The following DENND5B variants were observed in gnomAD, a reference collection of about 807,000 sequenced individuals.
DENND5B encodes DENN domain containing 5B.
In DENND5B, 34 loss-of-function variants were observed where a neutral mutation model predicts 140.6. The observed-to-expected ratio is 0.24, with a 90% CI of 0.18 to 0.32. The LOEUF (loss-of-function observed/expected upper bound fraction) is 0.32, where lower values mean the gene tolerates loss of function less well. Ranked by LOEUF, DENND5B falls within the 10% of genes least tolerant of loss-of-function variation. DENND5B has a pLI of 1.00. For synonymous variants in DENND5B, 551 were observed against 562.1 expected, an observed-to-expected ratio of 0.98 and a Z score of 0.28; for missense variants, 1,142 against 1,560.2, an observed-to-expected ratio of 0.73 and a Z score of 4.52.
chr12:31,589,354 T>C (rs1276107500), intron 1 of DENND5B, among the ~76,000 whole-genome samples: 1 of 152,226 alleles, frequency 6.6e-6, no homozygotes, highest in Non-Finnish European at 1.5e-5. Context: ...TAATTACACA[T>C]ACGGAAAAAC....
At chr12:31,405,239 A>G (rs1388053658) in intron 14 of DENND5B, among the ~76,000 whole-genome samples, 1 of 149,898 alleles carries the variant, frequency 6.7e-6, no homozygotes, top group East Asian at 2.0e-4. Context: ...TTTTTGAGAC[A>G]CGGTCTCGCT....
chr12:31,521,411 A>G (rs750289322), intron 1 of DENND5B, among the ~76,000 whole-genome samples: 21 of 151,898 alleles, frequency 1.4e-4, no homozygotes, highest in Non-Finnish European at 2.8e-4. Flanking sequence ...CTCAGCCTCC[A>G]GAGCAGCTTG....
At chr12:31,430,080 C>T (rs914362452) in intron 8 of DENND5B, among the ~76,000 whole-genome samples, 6 of 151,566 alleles carry the variant, frequency 4.0e-5, no homozygotes, top group South Asian at 2.1e-4. Flanking sequence ...TGGAGTGCAG[C>T]GGCATGATCT....
At chr12:31,418,666 G>A (rs1942882613) in intron 11 of DENND5B, among the ~76,000 whole-genome samples, 1 of 152,092 alleles carries the variant, frequency 6.6e-6, no homozygotes, top group South Asian at 2.1e-4. Flanking sequence ...TAGACAGAAT[G>A]AAAGATGGCC....
intron 1 of DENND5B, among the ~76,000 whole-genome samples, chr12:31,585,666 T>TAA (rs1317835530): frequency 5.3e-5 from 8 of 152,214 alleles, no homozygotes; most frequent in African/African-American, 1.9e-4. Context: ...CATAAATATG[T>TAA]CTAAGGTCCC....
At chr12:31,535,019 A>G (rs1948431880) in intron 1 of DENND5B, 1 of 216,560 alleles carries the variant, frequency 4.6e-6, no homozygotes, top group Non-Finnish European at 8.3e-6. Flanking sequence ...GGTTGCAGTG[A>G]GCGCAGATTG....
intron 11 of DENND5B, among the ~76,000 whole-genome samples, chr12:31,421,666 C>T (rs1048192917): frequency 2.0e-5 from 3 of 152,154 alleles, no homozygotes; most frequent in African/African-American, 7.2e-5. Context: ...TCTCCTGACT[C>T]AGTCTCCTGA....
intron 7 of DENND5B, 99 bp from the exon 8 acceptor site, chr12:31,433,347 A>G (rs755131465): frequency 2.9e-6 from 3 of 1,031,664 alleles, no homozygotes; most frequent in Non-Finnish European, 4.1e-6. Context: ...TTTAAAATCA[A>G]TTATTTAAAA....
chr12:31,470,516 C>T (rs1945508978), intron 3 of DENND5B, among the ~76,000 whole-genome samples: 1 of 152,132 alleles, frequency 6.6e-6, no homozygotes, highest in African/African-American at 2.4e-5. Flanking sequence ...TCCCAGAGTG[C>T]TGGGATTACA....
At chr12:31,387,829 C>T (rs777254473) in intron 20 of DENND5B, 43 bp from the exon 21 acceptor site, 17 of 1,580,380 alleles carry the variant, frequency 1.1e-5, no homozygotes, top group Middle Eastern at 2.2e-4. Context: ...TTGCTGGCCT[C>T]GCTGCAGAAC....
chr12:31,587,346 C>A (rs1169308867), intron 1 of DENND5B, among the ~76,000 whole-genome samples: 1 of 152,030 alleles, frequency 6.6e-6, no homozygotes, highest in African/African-American at 2.4e-5. Context: ...AATTGTTCAG[C>A]CCCAAAATCT....
intron 4 of DENND5B, among the ~76,000 whole-genome samples, chr12:31,459,345 A>G (rs1944916238): frequency 6.6e-6 from 1 of 152,186 alleles, no homozygotes; most frequent in African/African-American, 2.4e-5. Flanking sequence ...CCTGGAGTGC[A>G]GTGGCACGAT....
intron 1 of DENND5B, among the ~76,000 whole-genome samples, chr12:31,538,680 A>G (rs780935586): frequency 6.6e-6 from 1 of 152,156 alleles, no homozygotes; most frequent in African/African-American, 2.4e-5. Context: ...AAGCCTGGAC[A>G]ACTTGGTGAA....
At chr12:31,556,274 G>A (rs574350689) in intron 1 of DENND5B, among the ~76,000 whole-genome samples, 4 of 152,108 alleles carry the variant, frequency 2.6e-5, no homozygotes, top group Admixed American at 1.3e-4. Context: ...GCATGACCTC[G>A]GCTCACTGCA....
At chr12:31,579,056 C>G (rs1300608031) in intron 1 of DENND5B, among the ~76,000 whole-genome samples, 1 of 152,170 alleles carries the variant, frequency 6.6e-6, no homozygotes, top group African/African-American at 2.4e-5. Flanking sequence ...CTTTGAAAGT[C>G]ATTTAAATAA....
At chr12:31,558,882 AT>A (rs1949384054) in intron 1 of DENND5B, among the ~76,000 whole-genome samples, 1 of 152,128 alleles carries the variant, frequency 6.6e-6, no homozygotes, top group Non-Finnish European at 1.5e-5. Context: ...AACTAACACC[AT>A]TTCATCTCCT....
intron 1 of DENND5B, among the ~76,000 whole-genome samples, chr12:31,554,029 T>G (rs1310880760): frequency 6.6e-6 from 1 of 152,216 alleles, no homozygotes; most frequent in Non-Finnish European, 1.5e-5. Flanking sequence ...TTTGCCAGTC[T>G]GTGTCTTTTA....
At position 31,443,045 on chromosome 12, in the gene DENND5B, TG is replaced by T. The variant is rs2137989668; in HGVS notation, c.1862-121del. On this transcript the variant is annotated intron_variant, in intron 6 of 20. Transcript: ENST00000389082. ...CACTCTGACACTCTGAAACAGATAT[TG>T]TGTGTGTGTGTGTGTGTGCACGCAC... 7.4e-6 allele frequency: 4 copies of T among 538,724 alleles called. No homozygotes were observed. In the African/African-American group the frequency reaches 2.3e-4, roughly 31 times the overall value. The allele number at this position is 538,724 out of a possible 1,614,324, so 33.4% of individuals were successfully genotyped here.
intron 1 of DENND5B, among the ~76,000 whole-genome samples, chr12:31,521,756 C>T (rs963363509): frequency 3.3e-5 from 5 of 152,134 alleles, no homozygotes; most frequent in Non-Finnish European, 5.9e-5. Flanking sequence ...TGCTAAGTTC[C>T]GTTCCATCCC....
Sources: gnomAD v4.1 joint callset for allele counts (sites outside exome capture counted in the v4.1 genomes callset) on GRCh38, gnomAD v4.1.1 for gene constraint, MANE v1.5 for transcripts, NCBI Gene and HGNC (gene_info 2026-07-23, HGNC 2026-07-21) for gene names.